The following S100Z variants were observed in gnomAD, a reference collection of about 807,000 sequenced individuals.
S100Z encodes protein S100-Z.
A neutral mutation model predicts 8.5 loss-of-function variants in S100Z; 11 were observed. The observed-to-expected ratio is 1.30, with a 90% CI of 0.82 to 2.15. S100Z has a LOEUF of 2.15. S100Z is among the 30% of genes most tolerant of loss of function. The pLI, the probability that S100Z is intolerant of heterozygous loss-of-function variation, is 0.00. For missense variants in S100Z, 126 were observed against 117.9 expected (o/e 1.07, Z -0.32); for synonymous variants, 34 against 43.8 (o/e 0.78, Z 0.89).
chr5:76,906,138 C>A (rs116039659), intron 4 of S100Z, among the ~76,000 whole-genome samples: 1 of 152,142 alleles, frequency 6.6e-6, no homozygotes, highest in Non-Finnish European at 1.5e-5. Flanking sequence ...CCAAAAACAT[C>A]TTTTATGTTT....
chr5:76,878,445 T>C (rs1472948587), intron 4 of S100Z, among the ~76,000 whole-genome samples: 2 of 152,228 alleles, frequency 1.3e-5, no homozygotes, highest in African/African-American at 4.8e-5. Flanking sequence ...GGCAAGTGTT[T>C]GACACTATTT....
chr5:76,892,357 G>A (rs915565349), intron 4 of S100Z, among the ~76,000 whole-genome samples: 2 of 152,056 alleles, frequency 1.3e-5, no homozygotes, highest in African/African-American at 4.8e-5. Flanking sequence ...AGGAAAAGTG[G>A]GGGCACTTCC....
downstream of S100Z, among the ~76,000 whole-genome samples, chr5:76,921,902 T>C (rs768632449): frequency 6.6e-6 from 1 of 151,730 alleles, no homozygotes; most frequent in Admixed American, 6.6e-5. Flanking sequence ...GGCGGGAGAA[T>C]TGTTTGAACT....
Position 76,882,603 on chromosome 5 carries a change from T to C in S100Z, c.*2+4769T>C, listed in dbSNP as rs1319417884. 2.6e-5 allele frequency among the ~76,000 whole-genome samples: 4 copies of C among 152,154 alleles called. No homozygotes were observed. The East Asian group carries it at 7.7e-4, about 29-fold the overall frequency. ...AGGAAGGAAAGGAGTTGTTGTTTTG[T>C]AGAAGGCATTGGGGTTTGGGAGATT... On this transcript the variant is annotated intron_variant, in intron 4 of 4. Transcript: ENST00000317593.
At chr5:76,892,369 CAT>C (rs1743892697) in intron 4 of S100Z, among the ~76,000 whole-genome samples, 1 of 152,158 alleles carries the variant, frequency 6.6e-6, no homozygotes, top group Non-Finnish European at 1.5e-5. Flanking sequence ...GGCACTTCCA[CAT>C]GATTATATTT....
At chr5:76,879,352 G>GA (rs957685676) in intron 4 of S100Z, among the ~76,000 whole-genome samples, 3 of 151,988 alleles carry the variant, frequency 2.0e-5, no homozygotes, top group Non-Finnish European at 2.9e-5. Context: ...TATGTGGGGG[G>GA]AAAAAAATGA....
chr5:76,875,131 TC>T (rs367775921), intron 2 of S100Z, among the ~76,000 whole-genome samples, 172 bp from the exon 3 acceptor site: 91 of 152,322 alleles, frequency 6.0e-4, no homozygotes, highest in African/African-American at 2.2e-3. Flanking sequence ...GACCTTGTGA[TC>T]CACCCATCTC....
intron 4 of S100Z, among the ~76,000 whole-genome samples, chr5:76,888,168 A>C (rs371820743): frequency 1.3e-5 from 2 of 151,198 alleles, no homozygotes; most frequent in South Asian, 4.2e-4. Flanking sequence ...GAGGCAGGAG[A>C]ATCGCTGGAA....
rs1233418951 is a variant in S100Z, at chr5:76,872,611, T to C, written c.-57+2327T>C. ...GGGAGGTTGAGGTGCAGTGAGCCAT[T>C]ACTGGGCCACTGCATTCCAGCATGG... is the stretch of plus-strand genomic sequence containing the variant. On this transcript the variant is annotated intron_variant, in intron 2 of 4. Coordinates refer to ENST00000317593, the MANE Select transcript of S100Z (RefSeq NM_130772.4). 2.0e-5 allele frequency among the ~76,000 whole-genome samples: 3 copies of C among 151,952 alleles called. No individual in the cohort carries two copies. In the East Asian group the frequency reaches 5.8e-4, roughly 29 times the overall value.
At chr5:76,877,372 G>T (rs1264104670) in intron 3 of S100Z, among the ~76,000 whole-genome samples, 1 of 152,064 alleles carries the variant, frequency 6.6e-6, no homozygotes, top group African/African-American at 2.4e-5. Flanking sequence ...CTAGTGTCCT[G>T]GCTCTCAACC....
At chr5:76,886,950 A>C (rs1743662718) in intron 4 of S100Z, among the ~76,000 whole-genome samples, 1 of 152,166 alleles carries the variant, frequency 6.6e-6, no homozygotes, top group South Asian at 2.1e-4. Flanking sequence ...CAGTTGCTTC[A>C]GGCCATCTGG....
chr5:76,890,695 G>T (rs780132512), intron 4 of S100Z, among the ~76,000 whole-genome samples: 1 of 152,154 alleles, frequency 6.6e-6, no homozygotes, highest in Non-Finnish European at 1.5e-5. Flanking sequence ...GAGAATGCAA[G>T]TTCTGTTTGT....
intron 2 of S100Z, among the ~76,000 whole-genome samples, chr5:76,873,381 C>T (rs1394373921): frequency 2.0e-5 from 3 of 151,176 alleles, no homozygotes; most frequent in Admixed American, 6.6e-5. Context: ...GATCTTGGCT[C>T]ATTGCAACCT....
intron 4 of S100Z, among the ~76,000 whole-genome samples, chr5:76,920,132 A>G (rs192953212): frequency 1.3e-5 from 2 of 151,608 alleles, no homozygotes; most frequent in East Asian, 3.9e-4. Context: ...CTGGTCTCGA[A>G]CTCCTGACCT....
the S100Z span, among the ~76,000 whole-genome samples, chr5:76,950,733 A>T: frequency 6.6e-6 from 1 of 152,208 alleles, no homozygotes; most frequent in Non-Finnish European, 1.5e-5. Flanking sequence ...CCCAGAACAT[A>T]TTTAAAAAAA....
intron 4 of S100Z, among the ~76,000 whole-genome samples, chr5:76,885,311 TGGAGA>T (rs1743566132): frequency 6.7e-6 from 1 of 148,682 alleles, no homozygotes; most frequent in Non-Finnish European, 1.5e-5. Flanking sequence ...CCCAGGAAAG[TGGAGA>T]AGGGGTGGGA....
chr5:76,877,749 A>G lies in S100Z; in HGVS notation c.217A>G (p.Asn73Asp). The change falls in exon 4 of 5, where the codon AAT becomes GAT. Residue 73 changes from asparagine to aspartate, a missense_variant. Asn to Asp is a conservative substitution (Grantham distance 23). Transcript: ENST00000317593. ...CAATAAGGACAACGAAGTGGATTTTAATGAATTCGTGGTCATGGTGGCAGC... is the reference window on the plus strand; with the variant it reads ...CAATAAGGACAACGAAGTGGATTTTGATGAATTCGTGGTCATGGTGGCAGC... ...DANKDNEVDF[N>D]EFVVMVAALT... is the part of the protein sequence containing the mutation. 1 of 1,612,148 alleles carries G rather than the reference A, an allele frequency of 6.2e-7. No homozygotes were observed. Among genetic ancestry groups the G allele is most frequent in the Non-Finnish European group, 8.5e-7 (1 of 1,178,160 alleles).
In S100Z at chr5:76,920,961, TTC is replaced by T. The variant is rs1745016942; in HGVS notation, c.*251_*252del. The T allele has an allele frequency of 6.6e-6, 1 of 152,174 alleles. No individual in the cohort carries two copies. Among genetic ancestry groups the T allele is most frequent in the Non-Finnish European group, 1.5e-5 (1 of 68,034 alleles). The allele number at this position is 152,174 out of a possible 1,614,324, so 9.4% of individuals were successfully genotyped here. Reference sequence around the variant, plus strand: ...TGCCTCTACAGCTGTATGAAGTAGATTCTCTGATTTTATCTTGAAATCCACAA... The same window carrying T: ...TGCCTCTACAGCTGTATGAAGTAGATTCTGATTTTATCTTGAAATCCACAA... On this transcript the variant is annotated 3_prime_UTR_variant, in exon 5 of 5. Coordinates refer to ENST00000317593, the MANE Select transcript of S100Z (RefSeq NM_130772.4).
At chr5:76,913,548 C>G (rs1266982353) in intron 4 of S100Z, among the ~76,000 whole-genome samples, 2 of 152,118 alleles carry the variant, frequency 1.3e-5, no homozygotes, top group African/African-American at 4.8e-5. Flanking sequence ...TTATTAACAG[C>G]AAAGAAAAAA....
Sources: allele counts gnomAD v4.1 joint callset (sites outside exome capture counted in the v4.1 genomes callset), GRCh38; gene constraint gnomAD v4.1.1; transcripts MANE v1.5; gene names NCBI Gene and HGNC (gene_info 2026-07-23, HGNC 2026-07-21).